TXNRD2: variants seen among roughly 807,000 people sequenced by gnomAD.
TXNRD2 encodes thioredoxin reductase 2, also known as thioredoxin reductase 2, mitochondrial.
In TXNRD2, 67 loss-of-function variants were observed where a neutral mutation model predicts 70.8. The observed-to-expected ratio is 0.95, with a 90% CI of 0.78 to 1.16. The LOEUF (loss-of-function observed/expected upper bound fraction) is 1.16, where lower values mean the gene tolerates loss of function less well. TXNRD2 is among the 50% of genes most tolerant of loss of function. The pLI, the probability that TXNRD2 is intolerant of heterozygous loss-of-function variation, is 0.00. For synonymous variants in TXNRD2, 301 were observed against 295.8 expected (o/e 1.02, Z -0.18); for missense variants, 644 against 719.9 (o/e 0.89, Z 1.21).
At chr22:19,882,474 C>T (rs995031865) in intron 12 of TXNRD2, among the ~76,000 whole-genome samples, 20 of 152,164 alleles carry the variant, frequency 1.3e-4, no homozygotes, top group Non-Finnish European at 1.9e-4. Context: ...GCTGGGATTA[C>T]AAGCATGAGA....
rs1939469457 is a variant in TXNRD2 at position 19,895,562 on chromosome 22, A to G, written c.794T>C (p.Ile265Thr). ...GFDQQMSSMV[I>T]EHMASHGTRF... ...GGTGCCATGAGATGCCATGTGCTCTATGACCATGGAGGACATTTGCTGCAA... is the reference window on the plus strand; with the variant it reads ...GGTGCCATGAGATGCCATGTGCTCTGTGACCATGGAGGACATTTGCTGCAA... The change falls in exon 11 of 18, where the codon ATA (isoleucine) becomes ACA (threonine). Residue 265 changes from isoleucine to threonine, a missense_variant. Physicochemically the swap from Ile to Thr is moderately conservative, Grantham distance 89 (BLOSUM62 -1). Around this residue, in one of 3 missense-constraint regions of TXNRD2, gnomAD observed 566 missense variants for 645.0 expected, o/e 0.88. Transcript: ENST00000400521. The G allele has an allele frequency of 1.2e-6, 2 of 1,612,316 alleles. No individual in the cohort carries two copies. The highest frequency in any genetic ancestry group is 2.7e-5 in the African/African-American group (2 of 74,948).
In TXNRD2 at chr22:19,896,799, T is replaced by C. The variant is rs544565993; in HGVS notation, c.775-1218A>G. ...GTGCCAGCTGGCTCTAGATGGCGTG[T>C]GTGGGAGTCTGGCCCGCCGGGCAGG... On this transcript the variant is annotated intron_variant, in intron 10 of 17. Coordinates refer to ENST00000400521, the MANE Select transcript of TXNRD2 (RefSeq NM_006440.5). 3.3e-5 allele frequency among the ~76,000 whole-genome samples: 5 copies of C among 152,280 alleles called. No individual in the cohort carries two copies. In the South Asian group the frequency reaches 1.0e-3, roughly 32 times the overall value.
intron 11 of TXNRD2, among the ~76,000 whole-genome samples, chr22:19,892,788 G>C (rs986274546): frequency 6.6e-6 from 1 of 152,226 alleles, no homozygotes; most frequent in Non-Finnish European, 1.5e-5. Flanking sequence ...GTTTATTTGG[G>C]AATGACAGTA....
chr22:19,932,613 G>C, intron 1 of TXNRD2: 1 of 1,416,288 alleles, frequency 7.1e-7, no homozygotes, highest in East Asian at 2.7e-5. Context: ...ATAATAGCAA[G>C]TCATCAGTCT....
At chr22:19,918,002 C>T (rs1468288434) in intron 5 of TXNRD2, 141 bp downstream of exon 5, 10 of 735,564 alleles carry the variant, frequency 1.4e-5, no homozygotes, top group Non-Finnish European at 2.1e-5. Flanking sequence ...GCTCCTTGTC[C>T]TCATCCCCAC....
chr22:19,883,363 A>G lies in TXNRD2; in HGVS notation c.1048T>C (p.Ser350Pro). ...CCAATGGCGTAGATGTGGGGCACAG[A>G]GGTGGCTTCCCGGGAGTCCACCAGG... ...KILVDSREATSVPHIYAIGDV... is the reference protein window; with the variant it reads ...KILVDSREATPVPHIYAIGDV... Residue 350 changes from serine (S) to proline (P), a missense_variant, in exon 12 of 18, where the codon TCT (serine) becomes CCT (proline). Transcript: ENST00000400521. The G allele has an allele frequency of 6.2e-7, 1 of 1,614,018 alleles. No individual in the cohort carries two copies. The highest frequency in any genetic ancestry group is 8.5e-7 in the Non-Finnish European group (1 of 1,180,034).
chr22:19,919,546 G>A lies in TXNRD2; in HGVS notation c.226C>T (p.Gln76Ter). Reference sequence around the variant, plus strand: ...GCTCCCATAGGGTGCTGCCTACCTTGGGGAGAAGGTTCCACGTAGTCCACC... The same window carrying A: ...GCTCCCATAGGGTGCTGCCTACCTTAGGGAGAAGGTTCCACGTAGTCCACC... ...AVVDYVEPSP[Q>*]GTRWGLGGTC... is the part of the protein sequence containing the mutation. Residue 76 changes from glutamine to a stop codon, truncating the protein, a stop_gained, in exon 3 of 18, where the codon CAA becomes TAA. Coordinates refer to ENST00000400521, the MANE Select transcript of TXNRD2 (RefSeq NM_006440.5). LOFTEE classifies it high-confidence loss of function. The A allele has an allele frequency of 6.4e-7, 1 of 1,560,258 alleles. No homozygotes were observed. Among genetic ancestry groups the A allele is most frequent in the Non-Finnish European group, 8.7e-7 (1 of 1,152,702 alleles).
At chr22:19,886,199 G>A (rs1939023580) in intron 11 of TXNRD2, among the ~76,000 whole-genome samples, 1 of 152,256 alleles carries the variant, frequency 6.6e-6, no homozygotes, top group South Asian at 2.1e-4. Flanking sequence ...GCACAGTGGG[G>A]TTAGAAGCTG....
intron 2 of TXNRD2, among the ~76,000 whole-genome samples, chr22:19,924,194 C>G (rs995066489): frequency 6.6e-6 from 1 of 152,044 alleles, no homozygotes; most frequent in South Asian, 2.1e-4. Flanking sequence ...AGTGTATCCC[C>G]AGACCCTCCG....
intron 8 of TXNRD2, among the ~76,000 whole-genome samples, chr22:19,904,391 A>G (rs574679754): frequency 6.6e-6 from 1 of 152,290 alleles, no homozygotes; most frequent in East Asian, 1.9e-4. Context: ...CTTGGACACG[A>G]TCCCCCTGCC....
intron 11 of TXNRD2, chr22:19,894,388 T>C (rs1939397771): frequency 1.3e-5 from 2 of 152,776 alleles, no homozygotes; most frequent in African/African-American, 2.4e-5. Context: ...TTTAAAATGC[T>C]TAAGATGATG....
rs113605285 is a variant in TXNRD2, at chr22:19,878,346, T to C, written c.1347+20A>G. 0.014 allele frequency: 23,230 copies of C among 1,613,380 alleles called. 2,753 individuals carry two copies. In the African/African-American group the frequency reaches 0.26, roughly 18 times the overall value. On this transcript the variant is annotated intron_variant, in intron 15 of 17. Transcript: ENST00000400521. ...ACCCTCCCTCTCATCCTCAGCACCC[T>C]GGGCCACAGGGATGCTCACCTTTAC...
chr22:19,879,424 GA>G (rs1938654771), intron 14 of TXNRD2, among the ~76,000 whole-genome samples: 1 of 152,122 alleles, frequency 6.6e-6, no homozygotes, highest in African/African-American at 2.4e-5. Flanking sequence ...GGCCACCCCG[GA>G]GCCACAGCCA....
intron 2 of TXNRD2, among the ~76,000 whole-genome samples, chr22:19,923,198 C>T (rs1375500820): frequency 2.0e-5 from 3 of 152,140 alleles, no homozygotes; most frequent in African/African-American, 7.2e-5. Flanking sequence ...TAACTATCTC[C>T]ACCCCCTCTC....
intron 1 of TXNRD2, chr22:19,932,385 A>C (rs1941400138): frequency 6.2e-7 from 1 of 1,612,508 alleles, no homozygotes; most frequent in Admixed American, 1.7e-5. Context: ...CTCACTGCAC[A>C]TAGTGCCACT....
intron 8 of TXNRD2, among the ~76,000 whole-genome samples, chr22:19,900,404 A>T (rs535140064): frequency 6.6e-6 from 1 of 152,364 alleles, no homozygotes; most frequent in Admixed American, 6.5e-5. Flanking sequence ...TGGCGAAACC[A>T]AACTCTTTTT....
Position 19,898,049 on chromosome 22 carries a change from C to T in TXNRD2, c.764G>A (p.Gly255Asp), listed in dbSNP as rs1268591430. The T allele has an allele frequency of 6.4e-7, 1 of 1,556,892 alleles. No homozygotes were observed. The highest frequency in any genetic ancestry group is 1.2e-5 in the South Asian group (1 of 84,396). Residue 255 changes from glycine to aspartate, a missense_variant, in exon 10 of 18, where the codon GGC (glycine) becomes GAC (aspartate). By Grantham distance (94) the Gly-to-Asp change is moderately conservative. Transcript: ENST00000400521. ...TIMMRSIPLR[G>D]FDQQMSSMVI... Reference sequence around the variant, plus strand: ...GGCCTCCAGCACTACCTGGTCGAAGCCGCGGAGGGGGATGCTGCGCATCAT... The same window carrying T: ...GGCCTCCAGCACTACCTGGTCGAAGTCGCGGAGGGGGATGCTGCGCATCAT...
chr22:19,940,614 T>G (rs1228900481), intron 1 of TXNRD2, among the ~76,000 whole-genome samples: 1 of 152,194 alleles, frequency 6.6e-6, no homozygotes, highest in Non-Finnish European at 1.5e-5. Flanking sequence ...CATCCGTGAT[T>G]CTGAACCCCA....
At chr22:19,926,175 AAAAG>A (rs1203521500) in intron 2 of TXNRD2, among the ~76,000 whole-genome samples, 10 of 150,546 alleles carry the variant, frequency 6.6e-5, no homozygotes, top group Non-Finnish European at 8.9e-5. Flanking sequence ...AAAAAAAAAA[AAAAG>A]AAAGAAAAAG....
Sources: allele counts gnomAD v4.1 joint callset (sites outside exome capture counted in the v4.1 genomes callset), GRCh38; gene constraint gnomAD v4.1.1; regional missense constraint gnomAD v4.1.1; transcripts MANE v1.5; gene names NCBI Gene and HGNC (gene_info 2026-07-23, HGNC 2026-07-21).